The following ZDHHC3 variants were observed in gnomAD, a reference collection of about 807,000 sequenced individuals.
ZDHHC3 encodes the protein palmitoyltransferase ZDHHC3.
ZDHHC3 carries 9 observed loss-of-function variants against 30.6 expected under a neutral mutation model. The observed-to-expected ratio is 0.29, with a 90% CI of 0.18 to 0.51. The LOEUF is 0.51. ZDHHC3 is among the 20% of genes least tolerant of loss of function. ZDHHC3 has a pLI of 0.97. For synonymous variants in ZDHHC3, 136 were observed against 140.2 expected, an observed-to-expected ratio of 0.97 and a Z score of 0.21; for missense variants, 246 against 384.2, an observed-to-expected ratio of 0.64 and a Z score of 3.01.
chr3:44,964,699 G>C (rs1704781416), intron 1 of ZDHHC3, among the ~76,000 whole-genome samples: 1 of 152,146 alleles, frequency 6.6e-6, no homozygotes, highest in South Asian at 2.1e-4. Context: ...GTCCAGGGAG[G>C]CACAAGGGCA....
intron 3 of ZDHHC3, among the ~76,000 whole-genome samples, chr3:44,937,468 G>A (rs951075672): frequency 6.6e-6 from 1 of 151,662 alleles, no homozygotes; most frequent in Non-Finnish European, 1.5e-5. Flanking sequence ...CACTTAGGGA[G>A]GCCAAGGTGG....
intron 2 of ZDHHC3, among the ~76,000 whole-genome samples, chr3:44,950,282 C>T (rs1013975669): frequency 4.6e-5 from 7 of 152,142 alleles, no homozygotes; most frequent in African/African-American, 1.4e-4. Context: ...CATGAAGCAA[C>T]GAGGCTTGAG....
chr3:44,954,820 GA>G (rs1164646808), intron 2 of ZDHHC3, among the ~76,000 whole-genome samples: 4 of 152,056 alleles, frequency 2.6e-5, no homozygotes, highest in African/African-American at 9.7e-5. Context: ...CAGAAATAAA[GA>G]AGCCCCTCAG....
Position 44,923,932 on chromosome 3 carries a change from A to G in ZDHHC3, c.*2757T>C. 1.0e-6 allele frequency: 1 copy of G among 985,476 alleles called. No individual in the cohort carries two copies. Among genetic ancestry groups the G allele is most frequent in the South Asian group, 4.7e-5 (1 of 21,286 alleles). The allele number at this position is 985,476 out of a possible 1,614,324, so 61.0% of individuals were successfully genotyped here. On this transcript the variant is annotated 3_prime_UTR_variant, in exon 7 of 7. Transcript: ENST00000424952. ...ACCAAGCCCATGCAAATATGCATAGATTATAGATTTGCTTGGATCTAAGCC... is the reference window on the plus strand; with the variant it reads ...ACCAAGCCCATGCAAATATGCATAGGTTATAGATTTGCTTGGATCTAAGCC...
In ZDHHC3 at chr3:44,919,803, T is replaced by C. The variant is rs1447336206; in HGVS notation, c.*6886A>G. On this transcript the variant is annotated 3_prime_UTR_variant, in exon 7 of 7. Coordinates refer to ENST00000424952, the MANE Select transcript of ZDHHC3 (RefSeq NM_001135179.2). ...CTGAAAGGTACATGGGAACTCTTTG[T>C]ACTGTTTTTGTCACATTTTTGTAAG... is the stretch of plus-strand genomic sequence containing the variant. The C allele has an allele frequency of 1.2e-6, 1 of 861,352 alleles. No homozygotes were observed. The highest frequency in any genetic ancestry group is 5.3e-5 in the South Asian group (1 of 18,706). The allele number at this position is 861,352 out of a possible 1,614,324, so 53.4% of individuals were successfully genotyped here. A position where few individuals can be genotyped will look rare whatever the true frequency, so the allele number is the denominator to read the frequency against.
At chr3:44,935,330 C>T (rs1701859646) in intron 3 of ZDHHC3, among the ~76,000 whole-genome samples, 1 of 152,310 alleles carries the variant, frequency 6.6e-6, no homozygotes, top group Non-Finnish European at 1.5e-5. Flanking sequence ...GGCTAGAGTG[C>T]AGTGGTGCGA....
In ZDHHC3 at chr3:44,927,285, T is replaced by C. The variant is rs114062835; in HGVS notation, c.742-438A>G. ...GGGAGCTCGCAATCATCATAACCAATGATGGCCATTAATTTGGGATAGGTT... is the reference window on the plus strand; with the variant it reads ...GGGAGCTCGCAATCATCATAACCAACGATGGCCATTAATTTGGGATAGGTT... On this transcript the variant is annotated intron_variant, in intron 6 of 6. Transcript: ENST00000424952. 4.9e-3 allele frequency among the ~76,000 whole-genome samples: 750 copies of C among 152,196 alleles called. 5 individuals are homozygous for C. Among genetic ancestry groups the C allele is most frequent in the African/African-American group, 0.017 (722 of 41,522 alleles).
In ZDHHC3 at chr3:44,921,395, G is replaced by C. The variant is rs1196976011; in HGVS notation, c.*5294C>G. 1.0e-6 allele frequency: 1 copy of C among 985,292 alleles called. No individual in the cohort carries two copies. Among genetic ancestry groups the C allele is most frequent in the African/African-American group, 1.7e-5 (1 of 57,212 alleles). The allele number at this position is 985,292 out of a possible 1,614,324, so 61.0% of individuals were successfully genotyped here. A position where few individuals can be genotyped will look rare whatever the true frequency, so the allele number is the denominator to read the frequency against. On this transcript the variant is annotated 3_prime_UTR_variant, in exon 7 of 7. Coordinates refer to ENST00000424952, the MANE Select transcript of ZDHHC3 (RefSeq NM_001135179.2). ...CAGATAACACTGTCTCTCCTCATCAGAGATTTCATACCTCTATATTGTAAC... is the reference window on the plus strand; with the variant it reads ...CAGATAACACTGTCTCTCCTCATCACAGATTTCATACCTCTATATTGTAAC...
Position 44,922,288 on chromosome 3 carries a change from G to C in ZDHHC3, c.*4401C>G. On this transcript the variant is annotated 3_prime_UTR_variant, in exon 7 of 7. Coordinates refer to ENST00000424952, the MANE Select transcript of ZDHHC3 (RefSeq NM_001135179.2). Reference sequence around the variant, plus strand: ...GGCTGCTACAATGCCCCTGGCTCTAGACTACTCACCGGCCGCCGCTCCCAT... The same window carrying C: ...GGCTGCTACAATGCCCCTGGCTCTACACTACTCACCGGCCGCCGCTCCCAT... The C allele has an allele frequency of 1.0e-6, 1 of 985,412 alleles. No homozygotes were observed. Among genetic ancestry groups the C allele is most frequent in the South Asian group, 4.7e-5 (1 of 21,288 alleles). 61.0% of individuals were successfully genotyped at this position (985,412 alleles called of 1,614,324 possible). A position where few individuals can be genotyped will look rare whatever the true frequency, so the allele number is the denominator to read the frequency against.
intron 3 of ZDHHC3, among the ~76,000 whole-genome samples, chr3:44,935,466 T>A (rs12636290): frequency 0.53 from 80,832 of 152,048 alleles, 22,113 homozygotes; most frequent in East Asian, 0.89. Context: ...GAGATGGGGT[T>A]GCCCAGGTGG....
In ZDHHC3 at chr3:44,970,398, A is replaced by G. The variant is rs185058504; in HGVS notation, c.-25+5535T>C. On this transcript the variant is annotated intron_variant, in intron 1 of 6. Transcript: ENST00000424952. ...AGACTGAGCTTGGAATCAAGAGGCC[A>G]GAGTTTACTCCCAATCCTGCCACTC... 2.9e-4 allele frequency among the ~76,000 whole-genome samples: 44 copies of G among 152,352 alleles called. 1 individual carries two copies. In the East Asian group the frequency reaches 8.1e-3, roughly 28 times the overall value.
rs1037268172 is a variant in ZDHHC3, at chr3:44,926,547, G to C, written c.*142C>G. The C allele has an allele frequency of 7.9e-7, 1 of 1,263,214 alleles. No individual in the cohort carries two copies. Among genetic ancestry groups the C allele is most frequent in the Non-Finnish European group, 1.0e-6 (1 of 1,000,150 alleles). The allele number at this position is 1,263,214 out of a possible 1,614,324, so 78.3% of individuals were successfully genotyped here. A position where few individuals can be genotyped will look rare whatever the true frequency, so the allele number is the denominator to read the frequency against. ...GGGGACTTTTTTTTTTCTCTGCAAT[G>C]CTCAGCCATTTTACTTGAGACATAA... is the stretch of plus-strand genomic sequence containing the variant. On this transcript the variant is annotated 3_prime_UTR_variant, in exon 7 of 7. Transcript: ENST00000424952.
chr3:44,971,107 C>T (rs753420579), intron 1 of ZDHHC3, among the ~76,000 whole-genome samples: 1 of 152,214 alleles, frequency 6.6e-6, no homozygotes, highest in South Asian at 2.1e-4. Context: ...ATACACTTCA[C>T]ATACTGAAGA....
intron 1 of ZDHHC3, among the ~76,000 whole-genome samples, chr3:44,964,997 G>A (rs1484580241): frequency 6.6e-6 from 1 of 152,138 alleles, no homozygotes; most frequent in Non-Finnish European, 1.5e-5. Context: ...GGAAGTCACA[G>A]GGGAAACGGA....
intron 2 of ZDHHC3, 186 bp from the exon 3 acceptor site, chr3:44,945,478 A>G: frequency 1.2e-6 from 1 of 802,748 alleles, no homozygotes; most frequent in South Asian, 1.9e-5. Context: ...ATTGACCAAA[A>G]ATTTTTCTGA....
At chr3:44,927,249 CAG>C (rs1347350326) in intron 6 of ZDHHC3, among the ~76,000 whole-genome samples, 4 of 152,168 alleles carry the variant, frequency 2.6e-5, no homozygotes, top group Admixed American at 6.5e-5. Context: ...TGAGAGGCCT[CAG>C]AGCTGTTGGG....
intron 5 of ZDHHC3, among the ~76,000 whole-genome samples, chr3:44,930,184 G>C (rs114449204): frequency 0.011 from 1,686 of 152,366 alleles, 9 homozygotes; most frequent in Non-Finnish European, 0.016. Context: ...CCACTGCACT[G>C]TGAAGCAGTG....
intron 6 of ZDHHC3, among the ~76,000 whole-genome samples, chr3:44,927,861 G>A (rs1218787689): frequency 1.3e-5 from 2 of 152,230 alleles, no homozygotes; most frequent in Non-Finnish European, 2.9e-5. Context: ...GCTGAGTCTG[G>A]GTCTTTCTTC....
At chr3:44,946,777 G>A (rs1334251101) in intron 2 of ZDHHC3, among the ~76,000 whole-genome samples, 1 of 152,204 alleles carries the variant, frequency 6.6e-6, no homozygotes, top group Non-Finnish European at 1.5e-5. Context: ...GAGAATATCA[G>A]TGTGCTGAAC....
Sources: allele counts gnomAD v4.1 joint callset (sites outside exome capture counted in the v4.1 genomes callset), GRCh38; gene constraint gnomAD v4.1.1; transcripts MANE v1.5; gene names NCBI Gene and HGNC (gene_info 2026-07-23, HGNC 2026-07-21).